MYO3B: variants seen among roughly 807,000 people sequenced by gnomAD.
MYO3B encodes myosin-IIIb.
In MYO3B, 156 loss-of-function variants were observed where a neutral mutation model predicts 174.6. The observed-to-expected ratio is 0.89, with a 90% CI of 0.78 to 1.02. The LOEUF (loss-of-function observed/expected upper bound fraction) is 1.02. Ranked by LOEUF, MYO3B falls within the 50% of genes least tolerant of loss-of-function variation. The probability of loss-of-function intolerance (pLI) is 0.00; values close to 1 mark genes in which losing one functional copy is unlikely to be tolerated. For synonymous variants in MYO3B, 563 were observed against 569.1 expected, an observed-to-expected ratio of 0.99 and a Z score of 0.15; for missense variants, 1,632 against 1,639.4, an observed-to-expected ratio of 1.00 and a Z score of 0.08.
chr2:170,438,021 A>T (rs1321688480), intron 22 of MYO3B, among the ~76,000 whole-genome samples: 1 of 152,110 alleles, frequency 6.6e-6, no homozygotes, highest in East Asian at 1.9e-4. Flanking sequence ...TGCACAGCAG[A>T]TCTCTAGAAT....
intron 9 of MYO3B, among the ~76,000 whole-genome samples, chr2:170,376,605 A>ATTTT (rs10655853): frequency 0.013 from 1,815 of 144,990 alleles, 30 homozygotes; most frequent in African/African-American, 0.043. Context: ...CCCTCTCTCT[A>ATTTT]TTTTTTTTTT....
At chr2:170,236,266 T>TTTA in intron 7 of MYO3B, 130 bp downstream of exon 7, 1 of 1,207,674 alleles carries the variant, frequency 8.3e-7, no homozygotes, top group Non-Finnish European at 1.1e-6. Context: ...ATATTTTCTT[T>TTTA]GAAAAAGCAA....
At chr2:170,506,850 C>A (rs1023434690) in intron 28 of MYO3B, among the ~76,000 whole-genome samples, 7 of 152,178 alleles carry the variant, frequency 4.6e-5, no homozygotes, top group African/African-American at 1.7e-4. Context: ...AAGAGGGGGA[C>A]TGTAAGTAAA....
intron 32 of MYO3B, among the ~76,000 whole-genome samples, chr2:170,581,187 T>C (rs1693124419): frequency 6.6e-6 from 1 of 152,184 alleles, no homozygotes; most frequent in Non-Finnish European, 1.5e-5. Flanking sequence ...ACTCTTTGAA[T>C]TTCCAGATTA....
At chr2:170,539,845 C>T (rs533869150) in intron 30 of MYO3B, among the ~76,000 whole-genome samples, 91 of 152,142 alleles carry the variant, frequency 6.0e-4, no homozygotes, top group African/African-American at 2.2e-3. Context: ...TAGTCTCCAA[C>T]TCCTGAACTC....
At chr2:170,330,636 A>T (rs796539607) in intron 7 of MYO3B, among the ~76,000 whole-genome samples, 6 of 152,290 alleles carry the variant, frequency 3.9e-5, no homozygotes, top group African/African-American at 1.2e-4. Context: ...CTGACCCACC[A>T]TGTATGTGTG....
chr2:170,307,100 G>A (rs1201482839), intron 7 of MYO3B, among the ~76,000 whole-genome samples: 3 of 151,890 alleles, frequency 2.0e-5, no homozygotes, highest in African/African-American at 7.3e-5. Flanking sequence ...AAAATTAGCT[G>A]AGTGTGATCG....
chr2:170,647,588 T>G (rs1445794750), intron 32 of MYO3B, among the ~76,000 whole-genome samples: 1 of 152,164 alleles, frequency 6.6e-6, no homozygotes, highest in Non-Finnish European at 1.5e-5. Flanking sequence ...AAACTTAAAA[T>G]AATGAAAATT....
In MYO3B at chr2:170,320,593, G is replaced by A. The variant is rs999451906; in HGVS notation, c.750-14792G>A. ...ATGCATCCTCTAATTTCAAGGACAG[G>A]GCTTGAGATATCGATTGGTATACAC... On this transcript the variant is annotated intron_variant, in intron 7 of 34. Transcript: ENST00000408978. 1.1e-4 allele frequency among the ~76,000 whole-genome samples: 17 copies of A among 151,868 alleles called. 1 individual carries two copies. Among genetic ancestry groups the A allele is most frequent in the Admixed American group, 4.6e-4 (7 of 15,246 alleles).
chr2:170,335,716 T>C (rs932488650), intron 8 of MYO3B, among the ~76,000 whole-genome samples: 2 of 152,214 alleles, frequency 1.3e-5, no homozygotes, highest in African/African-American at 2.4e-5. Flanking sequence ...AGGGCAAATA[T>C]TGACAACTTG....
At chr2:170,629,031 T>G (rs74318095) in intron 32 of MYO3B, among the ~76,000 whole-genome samples, 20,104 of 152,166 alleles carry the variant, frequency 0.13, 1,492 homozygotes, top group East Asian at 0.32. Context: ...CGAAGAACGT[T>G]AAGGACAGGA....
chr2:170,378,164 G>A (rs1201805306), intron 9 of MYO3B, among the ~76,000 whole-genome samples: 1 of 152,106 alleles, frequency 6.6e-6, no homozygotes, highest in African/African-American at 2.4e-5. Context: ...ATAAGCTTAT[G>A]CAAAGTCTAG....
chr2:170,581,648 CTTAA>C (rs966412810), intron 32 of MYO3B, among the ~76,000 whole-genome samples: 1 of 151,842 alleles, frequency 6.6e-6, no homozygotes, highest in African/African-American at 2.4e-5. Flanking sequence ...ATGGGATGAA[CTTAA>C]TTTTCTTTTT....
chr2:170,408,176 T>G (rs1222204847), intron 22 of MYO3B, among the ~76,000 whole-genome samples: 1 of 152,200 alleles, frequency 6.6e-6, no homozygotes, highest in Admixed American at 6.5e-5. Flanking sequence ...CAATCTAGGA[T>G]AGTCTCAGTT....
At chr2:170,552,986 G>T (rs1178780646) in intron 32 of MYO3B, among the ~76,000 whole-genome samples, 1 of 152,172 alleles carries the variant, frequency 6.6e-6, no homozygotes, top group African/African-American at 2.4e-5. Context: ...ACGTGGTGTT[G>T]GGCCTGTGGG....
intron 8 of MYO3B, chr2:170,346,356 C>T (rs754273829): frequency 2.6e-5 from 4 of 151,918 alleles, no homozygotes; most frequent in Non-Finnish European, 4.4e-5. Context: ...TATGTGTGGT[C>T]GAAGACAATT....
chr2:170,572,228 G>A (rs1415418068), intron 32 of MYO3B, among the ~76,000 whole-genome samples: 1 of 152,232 alleles, frequency 6.6e-6, no homozygotes. Context: ...AGGGGTTCGA[G>A]ACCAGCCTGA....
At chr2:170,407,268 T>C (rs1444649252) in intron 21 of MYO3B, among the ~76,000 whole-genome samples, 1 of 117,172 alleles carries the variant, frequency 8.5e-6, no homozygotes, top group Non-Finnish European at 1.9e-5. Context: ...AAGACCATCC[T>C]GGCTAACACA....
In MYO3B at chr2:170,407,813, G is replaced by A. The variant is rs1459471155; in HGVS notation, c.2619G>A (p.Gln873=). The change falls in exon 22 of 35, where the codon CAG becomes CAA. Residue 873 remains glutamine, a synonymous_variant. Coordinates refer to ENST00000408978, the MANE Select transcript of MYO3B (RefSeq NM_138995.5). Reference sequence around the variant, plus strand: ...GAACGTCAGAAAACAAGCTTCTTCAGCAGCTCTTCTCAATCCCTCTGACCA... The same window carrying A: ...GAACGTCAGAAAACAAGCTTCTTCAACAGCTCTTCTCAATCCCTCTGACCA... ...VLRTSENKLL[Q]QLFSIPLTKT... The A allele has an allele frequency of 1.2e-6, 2 of 1,614,024 alleles. No homozygotes were observed. The highest frequency in any genetic ancestry group is 3.3e-5 in the Admixed American group (2 of 60,014).
Sources: allele counts gnomAD v4.1 joint callset (sites outside exome capture counted in the v4.1 genomes callset), GRCh38; gene constraint gnomAD v4.1.1; transcripts MANE v1.5; gene names NCBI Gene and HGNC (gene_info 2026-07-23, HGNC 2026-07-21).